Variants in NLGN1 observed in about 807,000 individuals in gnomAD.
NLGN1 encodes neuroligin-1.
NLGN1 carries 12 observed loss-of-function variants against 65.5 expected under a neutral mutation model. That is an observed-to-expected ratio of 0.18 (90% confidence interval 0.12 to 0.30). The LOEUF is 0.30. Ranked by LOEUF, NLGN1 falls within the 10% of genes least tolerant of loss-of-function variation. NLGN1 has a pLI of 1.00. For synonymous variants in NLGN1, 350 were observed against 359.5 expected (o/e 0.97, Z 0.30); for missense variants, 750 against 1,007.1 (o/e 0.74, Z 3.46).
At chr3:174,047,185 A>T (rs1733805450) in intron 4 of NLGN1, among the ~76,000 whole-genome samples, 1 of 151,996 alleles carries the variant, frequency 6.6e-6, no homozygotes, top group Non-Finnish European at 1.5e-5. Flanking sequence ...TTCACCATGA[A>T]TTTATCATAA....
chr3:173,654,541 A>T (rs1372430667), intron 3 of NLGN1, among the ~76,000 whole-genome samples: 2 of 152,166 alleles, frequency 1.3e-5, no homozygotes, highest in African/African-American at 4.8e-5. Flanking sequence ...TAGGGATTAC[A>T]TTATTACATT....
intron 3 of NLGN1, among the ~76,000 whole-genome samples, chr3:173,745,517 A>C (rs1775233039): frequency 6.6e-6 from 1 of 152,070 alleles, no homozygotes; most frequent in African/African-American, 2.4e-5. Context: ...AACAGACAAA[A>C]GTTCAAGCAA....
intron 4 of NLGN1, among the ~76,000 whole-genome samples, chr3:174,006,410 C>T (rs1724406700): frequency 6.6e-6 from 1 of 152,172 alleles, no homozygotes. Context: ...CCCTGTCTTT[C>T]TATCCGTACT....
intron 3 of NLGN1, among the ~76,000 whole-genome samples, chr3:173,690,512 T>C (rs1216729998): frequency 6.6e-6 from 1 of 152,204 alleles, no homozygotes; most frequent in Non-Finnish European, 1.5e-5. Context: ...TTGAAATCTT[T>C]TTGTGGGGCA....
At chr3:174,027,168 G>A (rs1360893967) in intron 4 of NLGN1, among the ~76,000 whole-genome samples, 1 of 151,838 alleles carries the variant, frequency 6.6e-6, no homozygotes, top group Non-Finnish European at 1.5e-5. Flanking sequence ...TGAGGTTCCT[G>A]CATACTATAA....
intron 3 of NLGN1, among the ~76,000 whole-genome samples, chr3:173,723,606 G>A (rs1026028621): frequency 4.6e-5 from 7 of 152,076 alleles, no homozygotes; most frequent in Admixed American, 4.6e-4. Flanking sequence ...TGATCACTAT[G>A]TTATAACTGC....
intron 4 of NLGN1, among the ~76,000 whole-genome samples, chr3:174,207,650 TCTCATTCTTCAAGTAAG>T (rs1410671004): frequency 6.6e-6 from 1 of 152,200 alleles, no homozygotes; most frequent in African/African-American, 2.4e-5. Flanking sequence ...ATTTTTCTTA[TCTCATTCTTCAAGTAAG>T]ACAGTCAGAG....
chr3:173,611,669 A>G (rs1752318492), intron 3 of NLGN1, among the ~76,000 whole-genome samples: 1 of 152,070 alleles, frequency 6.6e-6, no homozygotes, highest in Admixed American at 6.6e-5. Flanking sequence ...TCTGAAATGA[A>G]GTAGATCTAA....
At chr3:173,939,742 C>T (rs1413967957) in intron 4 of NLGN1, among the ~76,000 whole-genome samples, 1 of 152,078 alleles carries the variant, frequency 6.6e-6, no homozygotes, top group African/African-American at 2.4e-5. Flanking sequence ...TTTTGCTTTT[C>T]TGCCCAAATA....
chr3:173,903,855 CT>C (rs1737843067), intron 4 of NLGN1, among the ~76,000 whole-genome samples: 4 of 152,098 alleles, frequency 2.6e-5, no homozygotes, highest in African/African-American at 7.2e-5. Context: ...GTAAGGAGAT[CT>C]TTTATTACAT....
intron 2 of NLGN1, among the ~76,000 whole-genome samples, chr3:173,453,670 A>G (rs1368459811): frequency 1.3e-5 from 2 of 152,202 alleles, no homozygotes; most frequent in African/African-American, 2.4e-5. Context: ...CATTCATTCA[A>G]GTTTGTTCAC....
intron 2 of NLGN1, among the ~76,000 whole-genome samples, chr3:173,552,742 G>A (rs1425620416): frequency 6.6e-6 from 1 of 152,054 alleles, no homozygotes; most frequent in Non-Finnish European, 1.5e-5. Context: ...AGCTGGGCAC[G>A]CAGGCCAGTT....
intron 4 of NLGN1, among the ~76,000 whole-genome samples, chr3:174,048,530 A>C (rs915882923): frequency 3.3e-5 from 5 of 151,916 alleles, no homozygotes; most frequent in Admixed American, 2.6e-4. Context: ...TAATTACTGA[A>C]GCTGAAAAAA....
At chr3:173,698,737 A>T (rs985301577) in intron 3 of NLGN1, among the ~76,000 whole-genome samples, 1 of 152,230 alleles carries the variant, frequency 6.6e-6, no homozygotes, top group African/African-American at 2.4e-5. Flanking sequence ...TTAATTTCAA[A>T]AAGCCTTTAT....
At chr3:173,537,629 A>G (rs960981680) in intron 2 of NLGN1, among the ~76,000 whole-genome samples, 4 of 152,158 alleles carry the variant, frequency 2.6e-5, no homozygotes, top group Admixed American at 2.6e-4. Context: ...TTCTTCTACT[A>G]TGCATTCTGT....
chr3:173,452,268 T>G (rs1207044380), intron 2 of NLGN1, among the ~76,000 whole-genome samples: 1 of 151,942 alleles, frequency 6.6e-6, no homozygotes, highest in Non-Finnish European at 1.5e-5. Context: ...CGATCTTGGC[T>G]CACTGTAAGC....
At chr3:173,520,829 C>T (rs1256176008) in intron 2 of NLGN1, among the ~76,000 whole-genome samples, 1 of 152,144 alleles carries the variant, frequency 6.6e-6, no homozygotes, top group Non-Finnish European at 1.5e-5. Context: ...TTTTAGAGAG[C>T]TACTTTTATA....
intron 4 of NLGN1, among the ~76,000 whole-genome samples, chr3:173,957,549 T>A (rs1017071660): frequency 7.9e-5 from 12 of 152,222 alleles, no homozygotes; most frequent in Non-Finnish European, 8.8e-5. Context: ...ACAGCTATAT[T>A]ATTTAGACTC....
At chr3:173,499,949 T>G (rs930253811) in intron 2 of NLGN1, among the ~76,000 whole-genome samples, 1 of 151,834 alleles carries the variant, frequency 6.6e-6, no homozygotes, top group African/African-American at 2.4e-5. Context: ...CTTAAGATTT[T>G]GGGCTGAGAA....
Sources: allele counts gnomAD v4.1 joint callset (sites outside exome capture counted in the v4.1 genomes callset), GRCh38; gene constraint gnomAD v4.1.1; transcripts MANE v1.5; gene names NCBI Gene and HGNC (gene_info 2026-07-23, HGNC 2026-07-21).